The following JAZF1 variants were observed in gnomAD, a reference collection of about 807,000 sequenced individuals.
JAZF1 encodes the protein JAZF zinc finger 1, also known as juxtaposed with another zinc finger protein 1.
A neutral mutation model predicts 26.4 loss-of-function variants in JAZF1; 8 were observed. The observed-to-expected ratio is 0.30, with a 90% CI of 0.18 to 0.55. The LOEUF (loss-of-function observed/expected upper bound fraction) is 0.55. Ranked by LOEUF, JAZF1 falls within the 20% of genes least tolerant of loss-of-function variation. The probability of loss-of-function intolerance (pLI) is 0.94; values close to 1 mark genes in which losing one functional copy is unlikely to be tolerated. For synonymous variants in JAZF1, 126 were observed against 122.3 expected, an observed-to-expected ratio of 1.03 and a Z score of -0.20; for missense variants, 199 against 322.0, an observed-to-expected ratio of 0.62 and a Z score of 2.92.
At chr7:27,988,922 A>T (rs1347339223) in intron 2 of JAZF1, among the ~76,000 whole-genome samples, 17 of 42,862 alleles carry the variant, frequency 4.0e-4, no homozygotes, top group African/African-American at 1.7e-3. Flanking sequence ...AATCTCTGTA[A>T]AAAAAAAAAA....
intron 3 of JAZF1, among the ~76,000 whole-genome samples, chr7:27,861,727 G>A (rs1300300171): frequency 1.3e-5 from 2 of 152,026 alleles, no homozygotes; most frequent in Non-Finnish European, 2.9e-5. Context: ...ATCCTTGTCT[G>A]TCTGCTCATA....
At chr7:27,966,065 G>A (rs1233786531) in intron 2 of JAZF1, among the ~76,000 whole-genome samples, 1 of 152,202 alleles carries the variant, frequency 6.6e-6, no homozygotes, top group Non-Finnish European at 1.5e-5. Flanking sequence ...ATATGGTAAT[G>A]TAATTAGAAA....
intron 1 of JAZF1, among the ~76,000 whole-genome samples, chr7:28,167,496 T>C (rs1783388377): frequency 6.6e-6 from 1 of 152,226 alleles, no homozygotes; most frequent in Admixed American, 6.5e-5. Flanking sequence ...AACCACAGCT[T>C]ACTGCTATTC....
Position 27,888,615 on chromosome 7 carries a change from A to G in JAZF1, c.385+6605T>C, listed in dbSNP as rs146848429. 2.8e-3 allele frequency among the ~76,000 whole-genome samples: 421 copies of G among 152,336 alleles called. 2 individuals are homozygous for G. Among genetic ancestry groups the G allele is most frequent in the African/African-American group, 9.6e-3 (399 of 41,584 alleles). ...TATTATTTAAAATAATTTGCTGTGT[A>G]TTAATAACTCCTGAAATTTTCAATA... On this transcript the variant is annotated intron_variant, in intron 3 of 4. Coordinates refer to ENST00000283928, the MANE Select transcript of JAZF1 (RefSeq NM_175061.4).
chr7:28,108,545 G>C (rs1784591088), intron 1 of JAZF1, among the ~76,000 whole-genome samples: 1 of 152,180 alleles, frequency 6.6e-6, no homozygotes, highest in South Asian at 2.1e-4. Flanking sequence ...GAGGCAGCCT[G>C]ATCAAGGAGG....
intron 1 of JAZF1, among the ~76,000 whole-genome samples, chr7:28,081,147 G>A (rs948178911): frequency 3.9e-5 from 6 of 152,316 alleles, no homozygotes; most frequent in African/African-American, 7.2e-5. Context: ...TCAGGGCAGC[G>A]GGGGACATCT....
At chr7:28,177,242 C>T (rs1783562653) in intron 1 of JAZF1, among the ~76,000 whole-genome samples, 10 of 152,108 alleles carry the variant, frequency 6.6e-5, no homozygotes, top group Admixed American at 5.2e-4. Context: ...CGGTACAGCA[C>T]TCTTCCAGGA....
At chr7:27,917,566 C>T (rs982217021) in intron 2 of JAZF1, among the ~76,000 whole-genome samples, 2 of 152,152 alleles carry the variant, frequency 1.3e-5, no homozygotes, top group Non-Finnish European at 2.9e-5. Flanking sequence ...CCTGAACACA[C>T]TTATGGCCCT....
At chr7:27,884,427 G>C (rs1783824700) in intron 3 of JAZF1, among the ~76,000 whole-genome samples, 1 of 152,206 alleles carries the variant, frequency 6.6e-6, no homozygotes, top group South Asian at 2.1e-4. Context: ...GCATCGGGCA[G>C]GTATATAATT....
At chr7:28,072,335 A>G (rs1372481327) in intron 1 of JAZF1, among the ~76,000 whole-genome samples, 1 of 152,242 alleles carries the variant, frequency 6.6e-6, no homozygotes, top group African/African-American at 2.4e-5. Context: ...AGCATGTAAT[A>G]AATAATTAAT....
intron 3 of JAZF1, among the ~76,000 whole-genome samples, chr7:27,862,804 G>A (rs1405340958): frequency 6.6e-6 from 1 of 152,230 alleles, no homozygotes; most frequent in African/African-American, 2.4e-5. Flanking sequence ...TATTTTGGGT[G>A]CATGTGCGTG....
rs554813779 is a variant in JAZF1, at chr7:27,903,482, A to C, written c.189-8066T>G. On this transcript the variant is annotated intron_variant, in intron 2 of 4. Coordinates refer to ENST00000283928, the MANE Select transcript of JAZF1 (RefSeq NM_175061.4). ...AGTGTTGGGATTACAGGCGTGAGCCACTGTGCCCGGCCCAGGCATCTATTA... is the reference window on the plus strand; with the variant it reads ...AGTGTTGGGATTACAGGCGTGAGCCCCTGTGCCCGGCCCAGGCATCTATTA... 5.3e-5 allele frequency among the ~76,000 whole-genome samples: 8 copies of C among 152,330 alleles called. No homozygotes were observed. In the East Asian group the frequency reaches 9.6e-4, roughly 18 times the overall value.
chr7:27,900,613 T>C (rs531535295), intron 2 of JAZF1, among the ~76,000 whole-genome samples: 5 of 152,244 alleles, frequency 3.3e-5, no homozygotes, highest in African/African-American at 1.2e-4. Context: ...TATTTTTTAA[T>C]GTGGGGAAAA....
rs77821144 is a variant in JAZF1, at chr7:27,838,517, G to T, written c.555+2181C>A. The stretch of plus-strand genomic sequence containing the variant: ...AGAGACTGCTGCCAGCAGCAAGCAG[G>T]GAATAAGAAAAGTCTGACTTGCCTT... On this transcript the variant is annotated intron_variant, in intron 4 of 4. Transcript: ENST00000283928. 5.5e-3 allele frequency among the ~76,000 whole-genome samples: 837 copies of T among 152,212 alleles called. 4 individuals carry two copies. The highest frequency in any genetic ancestry group is 0.016 in the African/African-American group (657 of 41,518).
intron 3 of JAZF1, among the ~76,000 whole-genome samples, chr7:27,859,253 G>C (rs1157132518): frequency 6.6e-6 from 1 of 152,234 alleles, no homozygotes; most frequent in Admixed American, 6.5e-5. Context: ...TGGAGAAACA[G>C]GAAGGCTTTT....
chr7:27,971,331 G>A (rs1307217809), intron 2 of JAZF1, among the ~76,000 whole-genome samples: 1 of 152,290 alleles, frequency 6.6e-6, no homozygotes, highest in East Asian at 1.9e-4. Flanking sequence ...GCTGAGGATG[G>A]GGGCGCCTTA....
intron 1 of JAZF1, among the ~76,000 whole-genome samples, chr7:28,165,093 G>A (rs546196844): frequency 4.6e-5 from 7 of 152,192 alleles, no homozygotes; most frequent in African/African-American, 9.6e-5. Flanking sequence ...TGCTTGAGCC[G>A]GAGAGGCGGA....
chr7:28,034,253 T>A (rs1405033469), intron 1 of JAZF1, among the ~76,000 whole-genome samples: 2 of 150,020 alleles, frequency 1.3e-5, no homozygotes, highest in Non-Finnish European at 3.0e-5. Context: ...GCAATTTGAG[T>A]CAAAGGAACA....
chr7:28,013,711 T>C (rs1204325263), intron 1 of JAZF1, among the ~76,000 whole-genome samples: 3 of 152,046 alleles, frequency 2.0e-5, no homozygotes, highest in Non-Finnish European at 1.5e-5. Flanking sequence ...ATGAGGGACA[T>C]CACAAGGAGG....
Sources: allele counts gnomAD v4.1 joint callset (sites outside exome capture counted in the v4.1 genomes callset), GRCh38; gene constraint gnomAD v4.1.1; transcripts MANE v1.5; gene names NCBI Gene and HGNC (gene_info 2026-07-23, HGNC 2026-07-21).